The following CDC42BPB variants were observed in gnomAD, a reference collection of about 807,000 sequenced individuals.
CDC42BPB encodes the protein CDC42 binding protein kinase beta.
CDC42BPB carries 37 observed loss-of-function variants against 214.9 expected under a neutral mutation model. The observed-to-expected ratio is 0.17, with a 90% CI of 0.13 to 0.23. The LOEUF is 0.23. CDC42BPB is among the 10% of genes least tolerant of loss of function. The probability of loss-of-function intolerance (pLI) is 1.00; values close to 1 mark genes in which losing one functional copy is unlikely to be tolerated. For missense variants in CDC42BPB, 1,694 were observed against 2,227.0 expected (o/e 0.76, Z 4.82); for synonymous variants, 931 against 884.0 (o/e 1.05, Z -0.94).
chr14:103,040,586 G>A (rs1221292117), intron 1 of CDC42BPB, among the ~76,000 whole-genome samples: 1 of 151,896 alleles, frequency 6.6e-6, no homozygotes, highest in Non-Finnish European at 1.5e-5. Flanking sequence ...AGCCTCCCGA[G>A]TAGGTGGGAT....
At position 102,949,972 on chromosome 14, in the gene CDC42BPB, C is replaced by T. The variant is rs1177451124; in HGVS notation, c.3310-68G>A. ...GCAGGCCGCCAGGCCCCATTACACT[C>T]GTTCACAATCTCCTTCCAGCTGCCA... On this transcript the variant is annotated intron_variant, in intron 25 of 36. Transcript: ENST00000361246. 1.8e-5 allele frequency: 28 copies of T among 1,588,068 alleles called. 1 individual carries two copies. The highest frequency in any genetic ancestry group is 1.8e-4 in the Middle Eastern group (1 of 5,414).
Position 102,947,784 on chromosome 14 carries a change from C to T in CDC42BPB, c.3468G>A (p.Val1156=), listed in dbSNP as rs1295191094. 2 of 1,612,624 alleles carry T rather than the reference C, an allele frequency of 1.2e-6. No homozygotes were observed. Among genetic ancestry groups the T allele is most frequent in the Non-Finnish European group, 1.7e-6 (2 of 1,179,888 alleles). ...VLDLRDDEFS[V]SSVLASDVIH... The stretch of plus-strand genomic sequence containing the variant: ...TGACATCTGAGGCCAGGACTGAGCT[C>T]ACGGAAAACTCGTCATCTCTGGTAA... The change falls in exon 27 of 37, where the codon GTG becomes GTA. Residue 1156 remains valine (V), a synonymous_variant. Transcript: ENST00000361246.
intron 11 of CDC42BPB, 58 bp downstream of exon 11, chr14:102,975,626 T>C: frequency 1.9e-6 from 3 of 1,549,938 alleles, no homozygotes; most frequent in Non-Finnish European, 2.7e-6. Context: ...TGAAATTCCC[T>C]TTTAAGACAG....
At chr14:102,941,314 TCA>T in intron 30 of CDC42BPB, 3 of 985,482 alleles carry the variant, frequency 3.0e-6, no homozygotes, top group Non-Finnish European at 3.6e-6. Context: ...AGGACACACC[TCA>T]CTGTCTGAAG....
intron 30 of CDC42BPB, 38 bp from the exon 31 acceptor site, chr14:102,940,362 G>T (rs1385383997): frequency 9.0e-6 from 14 of 1,550,546 alleles, no homozygotes; most frequent in Non-Finnish European, 1.1e-5. Flanking sequence ...AGCCACAGTG[G>T]CTCAGGAACT....
intron 11 of CDC42BPB, among the ~76,000 whole-genome samples, chr14:102,974,901 A>G (rs1002323942): frequency 6.6e-6 from 1 of 152,148 alleles, no homozygotes; most frequent in African/African-American, 2.4e-5. Flanking sequence ...AGCCGAGATC[A>G]TGCCACTGCA....
chr14:102,965,786 G>A (rs1436822125), intron 18 of CDC42BPB, among the ~76,000 whole-genome samples: 2 of 152,170 alleles, frequency 1.3e-5, no homozygotes, highest in East Asian at 1.9e-4. Flanking sequence ...GTGGAAACCC[G>A]TCTCTACTAA....
rs963416306 is a variant in CDC42BPB at position 102,943,006 on chromosome 14, C to T, written c.4408+885G>A. Among the ~76,000 whole-genome samples, 3 of 152,144 alleles carry T rather than the reference C, an allele frequency of 2.0e-5. No homozygotes were observed. Among genetic ancestry groups the T allele is most frequent in the Admixed American group, 6.5e-5 (1 of 15,276 alleles). On this transcript the variant is annotated intron_variant, in intron 30 of 36. Coordinates refer to ENST00000361246, the MANE Select transcript of CDC42BPB (RefSeq NM_006035.4). This position sits in a 1 kb window ranked among gnomAD's most constrained non-coding sequence, Gnocchi z 4.6. Reference sequence around the variant, plus strand: ...GCCTCAGCCTCCTGAGTAGCTGGGACTACAGGCGCCCGCCACCACGCCCGG... The same window carrying T: ...GCCTCAGCCTCCTGAGTAGCTGGGATTACAGGCGCCCGCCACCACGCCCGG...
chr14:103,048,050 G>A (rs10144590), intron 1 of CDC42BPB, among the ~76,000 whole-genome samples: 57,970 of 151,906 alleles, frequency 0.38, 11,829 homozygotes, highest in African/African-American at 0.52. Context: ...AAAGAGACAC[G>A]AAGAATCCCT....
chr14:102,998,257 A>AAAAT (rs1213261684), intron 5 of CDC42BPB, among the ~76,000 whole-genome samples: 1 of 152,250 alleles, frequency 6.6e-6, no homozygotes, highest in Non-Finnish European at 1.5e-5. Context: ...TTTCAATTTC[A>AAAAT]TAGATGTGAT....
At chr14:102,939,102 A>G (rs1169777783) in intron 34 of CDC42BPB, among the ~76,000 whole-genome samples, 1 of 151,586 alleles carries the variant, frequency 6.6e-6, no homozygotes, top group African/African-American at 2.4e-5. Context: ...ACACCCAGCT[A>G]ATTTCTTTTT....
At chr14:102,966,187 G>A in intron 18 of CDC42BPB, 95 bp downstream of exon 18, 1 of 931,660 alleles carries the variant, frequency 1.1e-6, no homozygotes, top group Middle Eastern at 2.2e-4. Context: ...TTGCATCACT[G>A]TAATTCCCTA....
chr14:102,960,383 A>G (rs1892905110), intron 20 of CDC42BPB, among the ~76,000 whole-genome samples: 1 of 151,928 alleles, frequency 6.6e-6, no homozygotes, highest in Non-Finnish European at 1.5e-5. Context: ...TTGGGAGGCC[A>G]AGGTCGGAGG....
chr14:102,936,170 G>A (rs1240193332), intron 36 of CDC42BPB, among the ~76,000 whole-genome samples: 2 of 152,304 alleles, frequency 1.3e-5, no homozygotes, highest in African/African-American at 4.8e-5. Context: ...TGGTACAACT[G>A]CTGCAGAAAA....
intron 5 of CDC42BPB, among the ~76,000 whole-genome samples, chr14:102,990,938 T>C (rs1182491008): frequency 6.6e-6 from 1 of 152,236 alleles, no homozygotes; most frequent in East Asian, 1.9e-4. Context: ...AAGGGGTTGC[T>C]TCCTTAGAGG....
chr14:103,053,579 G>C (rs576588903), intron 1 of CDC42BPB, among the ~76,000 whole-genome samples: 9 of 151,318 alleles, frequency 5.9e-5, no homozygotes, highest in East Asian at 4.0e-4. Flanking sequence ...GGCTAACACG[G>C]TGAAACCCCG....
At chr14:102,976,487 G>A (rs1010875318) in intron 9 of CDC42BPB, among the ~76,000 whole-genome samples, 6 of 152,224 alleles carry the variant, frequency 3.9e-5, no homozygotes, top group African/African-American at 1.4e-4. Context: ...TCCCCTGCAG[G>A]CTAAGCCACC....
rs1267140433 is a variant in CDC42BPB at position 102,933,360 on chromosome 14, C to T, written c.*352G>A. On this transcript the variant is annotated 3_prime_UTR_variant, in exon 37 of 37. Transcript: ENST00000361246. ...GTACTGAGGCTGTGTCCCCAGATGT[C>T]TGCTTCCGAAGCAGCCGCGTCATGA... The T allele has an allele frequency of 4.7e-6, 1 of 212,658 alleles. No homozygotes were observed. The highest frequency in any genetic ancestry group is 5.9e-5 in the Admixed American group (1 of 16,846). The allele number at this position is 212,658 out of a possible 1,614,324, so 13.2% of individuals were successfully genotyped here. A position where few individuals can be genotyped will look rare whatever the true frequency, so the allele number is the denominator to read the frequency against.
At position 102,939,733 on chromosome 14, in the gene CDC42BPB, G is replaced by A; in HGVS notation, c.4710-6C>T. On this transcript the variant is annotated splice_region_variant and splice_polypyrimidine_tract_variant and intron_variant, in intron 33 of 36. Coordinates refer to ENST00000361246, the MANE Select transcript of CDC42BPB (RefSeq NM_006035.4). Reference sequence around the variant, plus strand: ...CTGGGTCTCTAAGCATCTCTCTGGGGAAAGGACACACTTTTGAGATTCATG... The same window carrying A: ...CTGGGTCTCTAAGCATCTCTCTGGGAAAAGGACACACTTTTGAGATTCATG... 6.2e-7 allele frequency: 1 copy of A among 1,614,120 alleles called. No homozygotes were observed. Among genetic ancestry groups the A allele is most frequent in the Non-Finnish European group, 8.5e-7 (1 of 1,179,986 alleles).
Sources: allele counts gnomAD v4.1 joint callset (sites outside exome capture counted in the v4.1 genomes callset), GRCh38; gene constraint gnomAD v4.1.1; non-coding constraint Gnocchi (gnomAD v3.1); transcripts MANE v1.5; gene names NCBI Gene and HGNC (gene_info 2026-07-23, HGNC 2026-07-21).